Variants in DGKB observed in about 807,000 individuals in gnomAD.
The protein encoded by DGKB is diacylglycerol kinase beta, also known as 90 kDa diacylglycerol kinase.
A neutral mutation model predicts 114.3 loss-of-function variants in DGKB; 67 were observed. The ratio of observed to expected loss-of-function variants is 0.59; its 90% CI spans 0.48 to 0.72. DGKB has a LOEUF of 0.72. DGKB is among the 30% of genes least tolerant of loss of function. The pLI is 0.00. For synonymous variants in DGKB, 398 were observed against 323.1 expected (o/e 1.23, Z -2.49); for missense variants, 907 against 975.2 (o/e 0.93, Z 0.93).
At chr7:14,962,635 TTTGTG>T (rs1786919782) in intron 1 of DGKB, among the ~76,000 whole-genome samples, 1 of 139,974 alleles carries the variant, frequency 7.1e-6, no homozygotes, top group Non-Finnish European at 1.5e-5. Context: ...TGTGTGTGTG[TTTGTG>T]TGTGTGTGTG....
intron 21 of DGKB, among the ~76,000 whole-genome samples, chr7:14,391,487 A>G (rs1255065366): frequency 6.6e-6 from 1 of 151,680 alleles, no homozygotes; most frequent in Non-Finnish European, 1.5e-5. Context: ...AGACCAGCCT[A>G]AGCAACATGG....
intron 21 of DGKB, among the ~76,000 whole-genome samples, chr7:14,452,476 T>C (rs1377141232): frequency 2.0e-5 from 3 of 152,106 alleles, no homozygotes; most frequent in Non-Finnish European, 2.9e-5. Context: ...TCATTTCATC[T>C]ATTAAGTCTC....
At chr7:14,658,447 G>T (rs984489204) in intron 13 of DGKB, among the ~76,000 whole-genome samples, 3 of 151,926 alleles carry the variant, frequency 2.0e-5, no homozygotes, top group Non-Finnish European at 4.4e-5. Context: ...GGGGGATAAA[G>T]AGAGGTTGGT....
chr7:14,590,014 G>A (rs1484494248), intron 17 of DGKB, among the ~76,000 whole-genome samples: 1 of 142,790 alleles, frequency 7.0e-6, no homozygotes, highest in Non-Finnish European at 1.5e-5. Context: ...TAAATGTCGG[G>A]TCGGGGGAGG....
At chr7:14,940,861 T>C (rs1034832847) in intron 1 of DGKB, among the ~76,000 whole-genome samples, 59 of 152,234 alleles carry the variant, frequency 3.9e-4, no homozygotes, top group African/African-American at 1.3e-3. Context: ...TACGTAGCTT[T>C]GGACAGTGAG....
At chr7:14,833,016 A>G (rs1176330259) in intron 2 of DGKB, among the ~76,000 whole-genome samples, 1 of 151,918 alleles carries the variant, frequency 6.6e-6, no homozygotes, top group Non-Finnish European at 1.5e-5. Flanking sequence ...CCTTTCCTGG[A>G]TTGGGTGAGC....
intron 22 of DGKB, among the ~76,000 whole-genome samples, chr7:14,341,587 G>T (rs983941364): frequency 2.0e-5 from 3 of 151,858 alleles, no homozygotes; most frequent in Non-Finnish European, 4.4e-5. Flanking sequence ...TACTATGGGA[G>T]CTATTTATAG....
chr7:14,525,344 G>A (rs1414244380), intron 20 of DGKB, among the ~76,000 whole-genome samples: 1 of 152,166 alleles, frequency 6.6e-6, no homozygotes, highest in African/African-American at 2.4e-5. Context: ...GCTGAAAGAT[G>A]CATATGTGAC....
intron 21 of DGKB, among the ~76,000 whole-genome samples, chr7:14,365,758 T>G (rs1478238960): frequency 6.6e-6 from 1 of 152,114 alleles, no homozygotes; most frequent in African/African-American, 2.4e-5. Flanking sequence ...AATAAGCCTT[T>G]TATTTTCATT....
rs773138936 is a variant in DGKB, at chr7:14,698,088, T to C, written c.591+7A>G. The stretch of plus-strand genomic sequence containing the variant: ...TTAGCCAATAGTGAAATCATTCATA[T>C]ACCTACTGGATTAAGTTCAGTGACA... On this transcript the variant is annotated splice_region_variant and intron_variant, in intron 8 of 25. Coordinates refer to ENST00000402815, the MANE Select transcript of DGKB (RefSeq NM_001350709.2). 3.3e-6 allele frequency: 5 copies of C among 1,501,646 alleles called. No homozygotes were observed. The highest frequency in any genetic ancestry group is 2.4e-5 in the East Asian group (1 of 40,856). 93.0% of individuals were successfully genotyped at this position (1,501,646 alleles called of 1,614,324 possible). A position where few individuals can be genotyped will look rare whatever the true frequency, so the allele number is the denominator to read the frequency against.
At chr7:14,722,209 G>A (rs181625291) in intron 5 of DGKB, among the ~76,000 whole-genome samples, 1 of 152,186 alleles carries the variant, frequency 6.6e-6, no homozygotes, top group East Asian at 1.9e-4. Context: ...TACCATTATA[G>A]TGTCTTTCAG....
intron 1 of DGKB, among the ~76,000 whole-genome samples, chr7:14,875,732 C>T (rs112891864): frequency 5.7e-4 from 86 of 152,166 alleles, no homozygotes; most frequent in Non-Finnish European, 9.7e-4. Flanking sequence ...TTCTAACCCA[C>T]GTTGGGCCAC....
intron 1 of DGKB, among the ~76,000 whole-genome samples, chr7:14,954,173 CCT>C (rs1287275270): frequency 2.0e-5 from 3 of 151,990 alleles, no homozygotes; most frequent in Non-Finnish European, 4.4e-5. Flanking sequence ...ACCTTGACAT[CCT>C]CTCTGTCTTC....
At chr7:14,694,249 T>C (rs1212483207) in intron 8 of DGKB, 55 bp from the exon 9 acceptor site, 8 of 1,489,204 alleles carry the variant, frequency 5.4e-6, no homozygotes, top group South Asian at 4.9e-5. Flanking sequence ...ATAAATTTCA[T>C]AGGCTACAAC....
chr7:14,355,157 C>A (rs1814205407), intron 21 of DGKB, among the ~76,000 whole-genome samples: 2 of 152,116 alleles, frequency 1.3e-5, no homozygotes, highest in South Asian at 4.1e-4. Context: ...CCCTCCCTCC[C>A]TCTCTCTCTT....
intron 20 of DGKB, among the ~76,000 whole-genome samples, chr7:14,496,248 T>C (rs190072742): frequency 4.8e-4 from 73 of 151,924 alleles, no homozygotes; most frequent in Admixed American, 7.9e-4. Flanking sequence ...GTAATGCCCA[T>C]ATGGTCAAAC....
rs189515948 is a variant in DGKB at position 14,885,076 on chromosome 7, C to T, written c.-188+17516G>A. On this transcript the variant is annotated intron_variant, in intron 1 of 25. Transcript: ENST00000402815. The stretch of plus-strand genomic sequence containing the variant: ...ATGCATTAGCCTTGATTGGTTTAGA[C>T]GATTGCTGACTTGAAAGCTCCTATT... Among the ~76,000 whole-genome samples the T allele has an allele frequency of 2.2e-4, 34 of 151,972 alleles. No individual in the cohort carries two copies. In the East Asian group the frequency reaches 5.1e-3, roughly 23 times the overall value.
chr7:14,459,119 T>G (rs1259905087), intron 21 of DGKB, among the ~76,000 whole-genome samples: 47 of 152,140 alleles, frequency 3.1e-4, no homozygotes, highest in Admixed American at 3.1e-3. Context: ...CACCGCAGCT[T>G]GGCAAAGCCG....
chr7:14,563,643 G>GTT lies in DGKB; in HGVS notation c.1770+10567_1770+10568dup, dbSNP rs66549760. 1.2e-4 allele frequency among the ~76,000 whole-genome samples: 15 copies of GTT among 125,784 alleles called. 1 individual carries two copies. The highest frequency in any genetic ancestry group is 4.5e-4 in the East Asian group (2 of 4,470). 82.5% of individuals were successfully genotyped at this position (125,784 alleles called of 152,430 possible). ...TCTGTCAGATAAATCATACAACTCTGTTTTTTTTTTTTTTTTAAGTTGGTT... is the reference window on the plus strand; with the variant it reads ...TCTGTCAGATAAATCATACAACTCTGTTTTTTTTTTTTTTTTTTAAGTTGGTT... On this transcript the variant is annotated intron_variant, in intron 20 of 25. Coordinates refer to ENST00000402815, the MANE Select transcript of DGKB (RefSeq NM_001350709.2).
Sources: gnomAD v4.1 joint callset for allele counts (sites outside exome capture counted in the v4.1 genomes callset) on GRCh38, gnomAD v4.1.1 for gene constraint, MANE v1.5 for transcripts, NCBI Gene and HGNC (gene_info 2026-07-23, HGNC 2026-07-21) for gene names.